Variants in PALD1 observed in about 807,000 individuals in gnomAD.
PALD1 encodes phosphatase domain containing paladin 1.
A neutral mutation model predicts 96.0 loss-of-function variants in PALD1; 57 were observed. That is an observed-to-expected ratio of 0.59 (90% CI 0.48 to 0.74). The LOEUF is 0.74. PALD1 is among the 30% of genes least tolerant of loss of function. PALD1 has a pLI of 0.00. For synonymous variants in PALD1, 464 were observed against 473.6 expected (o/e 0.98, Z 0.26); for missense variants, 1,063 against 1,143.7 (o/e 0.93, Z 1.02).
At chr10:70,531,578 T>A in intron 5 of PALD1, 124 bp downstream of exon 5, 2 of 909,892 alleles carry the variant, frequency 2.2e-6, no homozygotes, top group Non-Finnish European at 3.2e-6. Context: ...CCTGCTTGGG[T>A]GAGTGGCTGG....
At position 70,529,910 on chromosome 10, in the gene PALD1, G is replaced by C. The variant is rs1211948553; in HGVS notation, c.310G>C (p.Asp104His). ...LVQGRYFLVR[D>H]VTEKMDVLGT... ...CCAGGGCCGCTACTTCCTGGTGCGG[G>C]ATGTCACTGAGAAGATGGATGTGCT... is the stretch of plus-strand genomic sequence containing the variant. Residue 104 changes from aspartate (D) to histidine (H), a missense_variant, in exon 4 of 20, where the codon GAT (aspartate) becomes CAT (histidine). Coordinates refer to ENST00000263563, the MANE Select transcript of PALD1 (RefSeq NM_014431.3). 1.2e-6 allele frequency: 2 copies of C among 1,613,846 alleles called. No homozygotes were observed. Among genetic ancestry groups the C allele is most frequent in the Non-Finnish European group, 1.7e-6 (2 of 1,179,936 alleles).
At chr10:70,525,829 CT>C in intron 1 of PALD1, 93 bp from the exon 2 acceptor site, 1 of 973,556 alleles carries the variant, frequency 1.0e-6, no homozygotes, top group South Asian at 1.5e-5. Flanking sequence ...AGTGAGCTGC[CT>C]TTCTCTGTAT....
At chr10:70,564,270 C>CCCTG in intron 18 of PALD1, 94 bp from the exon 19 acceptor site, 1 of 1,333,224 alleles carries the variant, frequency 7.5e-7, no homozygotes, top group South Asian at 1.4e-5. Flanking sequence ...GGCTGGATCA[C>CCCTG]CCTGCCCTGG....
chr10:70,539,552 C>T lies in PALD1; in HGVS notation c.1726-28C>T, dbSNP rs986033943. Reference sequence around the variant, plus strand: ...CTAGCCTAGAGCCTGCCCCAGTGGCCTGTGTCCTCCCTCCTGCCCTTGCCC... The same window carrying T: ...CTAGCCTAGAGCCTGCCCCAGTGGCTTGTGTCCTCCCTCCTGCCCTTGCCC... On this transcript the variant is annotated intron_variant, in intron 14 of 19. Transcript: ENST00000263563. This position sits in a 1 kb window ranked among gnomAD's most constrained non-coding sequence, Gnocchi z 4.5. 1.9e-6 allele frequency: 3 copies of T among 1,572,400 alleles called. No individual in the cohort carries two copies.
At chr10:70,518,087 G>T (rs1297120283) in intron 1 of PALD1, among the ~76,000 whole-genome samples, 1 of 152,054 alleles carries the variant, frequency 6.6e-6, no homozygotes, top group Non-Finnish European at 1.5e-5. Context: ...ATTTTTAGTA[G>T]AGATGGGGTT....
At chr10:70,534,344 C>A in intron 8 of PALD1, 81 bp from the exon 9 acceptor site, 1 of 942,210 alleles carries the variant, frequency 1.1e-6, no homozygotes, top group Non-Finnish European at 1.7e-6. Flanking sequence ...CCCCCAGCGG[C>A]CATATGAGTG....
At chr10:70,519,481 G>T (rs1253647867) in intron 1 of PALD1, among the ~76,000 whole-genome samples, 3 of 151,964 alleles carry the variant, frequency 2.0e-5, no homozygotes, top group African/African-American at 7.3e-5. Context: ...TCCCATTCCT[G>T]AGGGTTCTGC....
the PALD1 span, among the ~76,000 whole-genome samples, chr10:70,468,817 A>C: frequency 6.7e-6 from 1 of 150,256 alleles, no homozygotes; most frequent in Non-Finnish European, 1.5e-5. Context: ...GCTCACGGCA[A>C]CCTCCGCCCC....
chr10:70,563,106 T>C (rs1257078923), intron 18 of PALD1, among the ~76,000 whole-genome samples: 1 of 152,174 alleles, frequency 6.6e-6, no homozygotes, highest in Non-Finnish European at 1.5e-5. Flanking sequence ...GAGATTCTCA[T>C]TGGATTTTTC....
intron 1 of PALD1, among the ~76,000 whole-genome samples, chr10:70,481,756 G>A (rs926430344): frequency 6.6e-6 from 1 of 152,242 alleles, no homozygotes. Flanking sequence ...GCCCTCTGGG[G>A]CGGGCTCCTT....
At chr10:70,481,173 G>C (rs1589166246) in intron 1 of PALD1, among the ~76,000 whole-genome samples, 1 of 152,248 alleles carries the variant, frequency 6.6e-6, no homozygotes, top group African/African-American at 2.4e-5. Context: ...AGCCGCTCAA[G>C]TGCCTGGGCA....
chr10:70,546,529 T>A (rs746927719), intron 17 of PALD1, among the ~76,000 whole-genome samples: 2 of 152,240 alleles, frequency 1.3e-5, no homozygotes, highest in African/African-American at 4.8e-5. Context: ...CTAGTAACTC[T>A]ATTGATGTGC....
chr10:70,529,207 T>TGGGGGGGGGGGGGGGGGGGG, intron 2 of PALD1, 22 bp from the exon 3 acceptor site: 3 of 391,778 alleles, frequency 7.7e-6, no homozygotes, highest in Admixed American at 3.8e-5. Context: ...GTTTCCATTC[T>TGGGGGGGGGGGGGGGGGGGG]GCCCCCCCCC....
rs377503139 is a variant in PALD1 at position 70,537,925 on chromosome 10, A to C, written c.1323+19A>C. ...TGAGCAGGTGGGGCCTGGGAGGAGC[A>C]GACCCACGTCCCCTCCTCCTGGGCC... is the stretch of plus-strand genomic sequence containing the variant. On this transcript the variant is annotated intron_variant, in intron 11 of 19. Transcript: ENST00000263563. The C allele has an allele frequency of 2.0e-6, 3 of 1,515,270 alleles. No homozygotes were observed. In the African/African-American group the frequency reaches 4.1e-5, roughly 21 times the overall value. 93.9% of individuals were successfully genotyped at this position (1,515,270 alleles called of 1,614,324 possible). A position where few individuals can be genotyped will look rare whatever the true frequency, so the allele number is the denominator to read the frequency against.
At position 70,526,113 on chromosome 10, in the gene PALD1, C is replaced by A; in HGVS notation, c.162C>A (p.Asn54Lys). The change falls in exon 2 of 20, where the codon AAC becomes AAA. Residue 54 changes from asparagine to lysine, a missense_variant. Transcript: ENST00000263563. ...GCAAGGCCAAGTCCATCATCCCCAA[C>A]AAGGTGGCCCCTGTTGTGATCACGT... is the stretch of plus-strand genomic sequence containing the variant. ...HNSKAKSIIP[N>K]KVAPVVITYN... is the part of the protein sequence containing the mutation. 2 of 1,614,150 alleles carry A rather than the reference C, an allele frequency of 1.2e-6. No individual in the cohort carries two copies. Among genetic ancestry groups the A allele is most frequent in the Non-Finnish European group, 1.7e-6 (2 of 1,179,978 alleles).
intron 1 of PALD1, 120 bp from the exon 2 acceptor site, chr10:70,525,803 C>A (rs1456669965): frequency 5.3e-6 from 4 of 751,696 alleles, no homozygotes; most frequent in Non-Finnish European, 8.9e-6. Context: ...AAGCCTGCCT[C>A]TGTCTCCAGC....
At position 70,534,495 on chromosome 10, in the gene PALD1, G is replaced by T; in HGVS notation, c.1093G>T (p.Val365Leu). ...GGTGATCCAGAGCTTTCTCCGCATG[G>T]TGCCCCAGGGAAGGAGGATGGTGGA... is the stretch of plus-strand genomic sequence containing the variant. ...FQVIQSFLRM[V>L]PQGRRMVEEV... Residue 365 changes from valine (V) to leucine (L), a missense_variant, in exon 9 of 20, where the codon GTG (valine) becomes TTG (leucine). By Grantham distance (32) the Val-to-Leu change is conservative. Transcript: ENST00000263563. The T allele has an allele frequency of 6.2e-7, 1 of 1,612,948 alleles. No homozygotes were observed. The highest frequency in any genetic ancestry group is 8.5e-7 in the Non-Finnish European group (1 of 1,179,506).
rs35468231 is a variant in PALD1 at position 70,529,208 on chromosome 10, GCCCCCCCCCCC to G, written c.186-13_186-3del. 1.3e-4 allele frequency: 37 copies of G among 274,560 alleles called. 15 individuals are homozygous for G. The highest frequency in any genetic ancestry group is 2.6e-4 in the Non-Finnish European group (36 of 136,882). 17.0% of individuals were successfully genotyped at this position (274,560 alleles called of 1,614,324 possible). Reference sequence around the variant, plus strand: ...GGTTGCTTGACTCAGTTTCCATTCTGCCCCCCCCCCCCCCCCCCAGGTACAACTGCAAGGAG... The same window carrying G: ...GGTTGCTTGACTCAGTTTCCATTCTGCCCCCCCAGGTACAACTGCAAGGAG... On this transcript the variant is annotated splice_polypyrimidine_tract_variant and intron_variant, in intron 2 of 19. Coordinates refer to ENST00000263563, the MANE Select transcript of PALD1 (RefSeq NM_014431.3).
chr10:70,464,896 G>A, the PALD1 span, among the ~76,000 whole-genome samples: 1 of 151,726 alleles, frequency 6.6e-6, no homozygotes, highest in African/African-American at 2.4e-5. Flanking sequence ...CCAAAGTGCT[G>A]GGATTACAGG....
Sources: gnomAD v4.1 joint callset for allele counts (sites outside exome capture counted in the v4.1 genomes callset) on GRCh38, gnomAD v4.1.1 for gene constraint, Gnocchi (gnomAD v3.1) non-coding constraint, MANE v1.5 for transcripts, NCBI Gene and HGNC (gene_info 2026-07-23, HGNC 2026-07-21) for gene names.